Variants in UNC45A observed in about 807,000 individuals in gnomAD.
UNC45A encodes the protein unc-45 myosin chaperone A.
In UNC45A, 78 loss-of-function variants were observed where a neutral mutation model predicts 103.2. That is an observed-to-expected ratio of 0.76 (90% CI 0.63 to 0.91). The LOEUF is 0.91. Ranked by LOEUF, UNC45A falls within the 40% of genes least tolerant of loss-of-function variation. The pLI is 0.00. For synonymous variants in UNC45A, 495 were observed against 504.6 expected, an observed-to-expected ratio of 0.98 and a Z score of 0.25; for missense variants, 1,193 against 1,224.8, an observed-to-expected ratio of 0.97 and a Z score of 0.39.
chr15:90,950,172 C>G lies in UNC45A; in HGVS notation c.2092C>G (p.Leu698Val), dbSNP rs773080072. ...GGGRALIPLA[L>V]EGTDVGQTKA... ...CCTACAGGCGCTGATCCCGCTGGCC[C>G]TGGAAGGCACGGACGTGGGGCAGAC... is the stretch of plus-strand genomic sequence containing the variant. The change falls in exon 16 of 20, where the codon CTG (leucine) becomes GTG (valine). Residue 698 changes from leucine to valine, a missense_variant. By Grantham distance (32) the Leu-to-Val change is conservative. Coordinates refer to ENST00000418476, the MANE Select transcript of UNC45A (RefSeq NM_018671.5). 4 of 1,551,630 alleles carry G rather than the reference C, an allele frequency of 2.6e-6. No individual in the cohort carries two copies. In the South Asian group the frequency reaches 3.6e-5, roughly 14 times the overall value.
At chr15:90,945,737 A>G (rs1319190924) in intron 9 of UNC45A, among the ~76,000 whole-genome samples, 1 of 151,238 alleles carries the variant, frequency 6.6e-6, no homozygotes, top group African/African-American at 2.4e-5. Context: ...GGTTCAAGCA[A>G]TTCTCCTGCC....
rs72630486 is a variant in UNC45A at position 90,940,290 on chromosome 15, G to A, written c.520-16G>A. 97,696 of 1,607,776 alleles carry A rather than the reference G, an allele frequency of 0.061. 12,420 individuals carry two copies. Among genetic ancestry groups the A allele is most frequent in the East Asian group, 0.4 (18,031 of 44,756 alleles). ...GTGTGCAGTGTCAACATTATAATGT[G>A]CTTCCTTTGACGCAGGCTTCTCAGA... On this transcript the variant is annotated splice_polypyrimidine_tract_variant and intron_variant, in intron 5 of 19. Coordinates refer to ENST00000418476, the MANE Select transcript of UNC45A (RefSeq NM_018671.5).
intron 9 of UNC45A, 134 bp from the exon 10 acceptor site, chr15:90,946,480 A>G: frequency 1.0e-6 from 1 of 1,002,680 alleles, no homozygotes; most frequent in African/African-American, 1.6e-5. Flanking sequence ...GAAACGTCCT[A>G]GTCCTCCCAT....
At position 90,953,449 on chromosome 15, in the gene UNC45A, T is replaced by G; in HGVS notation, c.2578-10T>G. On this transcript the variant is annotated splice_polypyrimidine_tract_variant and intron_variant, in intron 19 of 19. Coordinates refer to ENST00000418476, the MANE Select transcript of UNC45A (RefSeq NM_018671.5). Reference sequence around the variant, plus strand: ...GCCCAGGGGTCATATCTACCCTGTTTTTCTCACAGACCACACACTGGCTGG... The same window carrying G: ...GCCCAGGGGTCATATCTACCCTGTTGTTCTCACAGACCACACACTGGCTGG... 3 of 1,613,004 alleles carry G rather than the reference T, an allele frequency of 1.9e-6. No individual in the cohort carries two copies. Among genetic ancestry groups the G allele is most frequent in the Non-Finnish European group, 2.5e-6 (3 of 1,179,902 alleles).
At chr15:90,941,784 C>T (rs568792970) in intron 6 of UNC45A, among the ~76,000 whole-genome samples, 1 of 151,960 alleles carries the variant, frequency 6.6e-6, no homozygotes, top group East Asian at 1.9e-4. Context: ...ACGGTGAAAC[C>T]CCGTCTCTAC....
rs777246796 is a variant in UNC45A, at chr15:90,947,908, G to C, written c.1595+18G>C. 1.2e-6 allele frequency: 2 copies of C among 1,609,228 alleles called. No homozygotes were observed. Among genetic ancestry groups the C allele is most frequent in the African/African-American group, 2.7e-5 (2 of 74,850 alleles). Reference sequence around the variant, plus strand: ...TGTCGAAAGTGAGTCATCTGGCCTTGCTGTGGTTCCCCACCTGTGGGGTAG... The same window carrying C: ...TGTCGAAAGTGAGTCATCTGGCCTTCCTGTGGTTCCCCACCTGTGGGGTAG... On this transcript the variant is annotated intron_variant, in intron 11 of 19. Transcript: ENST00000418476.
rs576346120 is a variant in UNC45A at position 90,941,891 on chromosome 15, G to T, written c.688-546G>T. Among the ~76,000 whole-genome samples, 9 of 151,744 alleles carry T rather than the reference G, an allele frequency of 5.9e-5. No individual in the cohort carries two copies. The East Asian group carries it at 1.7e-3, about 29-fold the overall frequency. On this transcript the variant is annotated intron_variant, in intron 6 of 19. Transcript: ENST00000418476. ...GGGAAATGGCGTGAACCTGGGAGGT[G>T]GAGCTTGCAGTGAGCCCAGATCGCG...
chr15:90,943,986 G>GTTTTTTTTTTTTTT (rs953436599), intron 8 of UNC45A, among the ~76,000 whole-genome samples: 6 of 78,320 alleles, frequency 7.7e-5, no homozygotes, highest in East Asian at 4.3e-4. Flanking sequence ...ATTGTGCCCT[G>GTTTTTTTTTTTTTT]TTTTTTTTTT....
At chr15:90,931,512 G>A (rs9806656), upstream of UNC45A, 37 of 1,614,050 alleles carry the variant, frequency 2.3e-5, no homozygotes, top group East Asian at 4.5e-5. Context: ...CTGATGGAAT[G>A]AGCTGTCCTG....
At chr15:90,934,909 G>T (rs942856212), upstream of UNC45A, 3 of 438,142 alleles carry the variant, frequency 6.8e-6, no homozygotes, top group Non-Finnish European at 1.2e-5. Flanking sequence ...GAGCGCGGTC[G>T]GGGCCGGGAT....
Position 90,953,909 on chromosome 15 carries a change from T to G in UNC45A, c.*193T>G. The G allele has an allele frequency of 1.3e-6, 1 of 762,352 alleles. No homozygotes were observed. The highest frequency in any genetic ancestry group is 2.7e-5 in the East Asian group (1 of 36,698). 47.2% of individuals were successfully genotyped at this position (762,352 alleles called of 1,614,324 possible). On this transcript the variant is annotated 3_prime_UTR_variant, in exon 20 of 20. Transcript: ENST00000418476. ...TCACACAGCCCTGCTTGGCCAGCAC[T>G]GCCTGCAGCCTCACTCAGAGGGGCC...
At chr15:90,945,723 C>T (rs1401994814) in intron 9 of UNC45A, among the ~76,000 whole-genome samples, 1 of 151,150 alleles carries the variant, frequency 6.6e-6, no homozygotes, top group East Asian at 2.0e-4. Context: ...CCTCCACCCT[C>T]CCAGGTTCAA....
Position 90,935,986 on chromosome 15 carries a change from G to T in UNC45A, c.250+4G>T, listed in dbSNP as rs1397372794. On this transcript the variant is annotated splice_donor_region_variant and intron_variant, in intron 3 of 19. Transcript: ENST00000418476. ...GCAGAAACAGAGGCATCCAAAGGTA[G>T]GGGAATGGTGGGCCCTGGTGTGGAG... 6.2e-7 allele frequency: 1 copy of T among 1,614,054 alleles called. No individual in the cohort carries two copies.
chr15:90,941,280 G>A (rs1280926367), intron 6 of UNC45A, among the ~76,000 whole-genome samples: 2 of 152,124 alleles, frequency 1.3e-5, no homozygotes, highest in East Asian at 3.9e-4. Context: ...GATGGTGGTG[G>A]CCCAGCATGG....
upstream of UNC45A, chr15:90,932,354 C>G (rs1349919863): frequency 2.5e-5 from 23 of 927,322 alleles, no homozygotes. Flanking sequence ...CAATGAGGTG[C>G]ACGCCCCCCA....
rs555543944 is a variant in UNC45A at position 90,937,043 on chromosome 15, T to C, written c.426+583T>C. Among the ~76,000 whole-genome samples the C allele has an allele frequency of 2.6e-5, 4 of 152,282 alleles. No individual in the cohort carries two copies. The East Asian group carries it at 5.8e-4, about 22-fold the overall frequency. On this transcript the variant is annotated intron_variant, in intron 4 of 19. Coordinates refer to ENST00000418476, the MANE Select transcript of UNC45A (RefSeq NM_018671.5). ...GAAATGGGAAGCTCTGGGACACTTG[T>C]TGAATGAACAAAGCAAAATAGGCAG...
At position 90,935,719 on chromosome 15, in the gene UNC45A, GCGCT is replaced by G. The variant is rs772726675; in HGVS notation, c.213+16_213+19del. On this transcript the variant is annotated intron_variant, in intron 2 of 19. Transcript: ENST00000418476. ...CACCTCAAGCTGGTGAGGGAGCCTG[GCGCT>G]CTTCCCCTCGCCCGCCCGGGCCCCG... 6.5e-7 allele frequency: 1 copy of G among 1,546,270 alleles called. No individual in the cohort carries two copies. Among genetic ancestry groups the G allele is most frequent in the Non-Finnish European group, 8.7e-7 (1 of 1,148,344 alleles).
intron 3 of UNC45A, 145 bp from the exon 4 acceptor site, chr15:90,936,140 C>A: frequency 4.7e-6 from 7 of 1,501,702 alleles, no homozygotes; most frequent in South Asian, 1.4e-5. Flanking sequence ...TCTGCAGCTA[C>A]CCTCACCTTT....
intron 8 of UNC45A, among the ~76,000 whole-genome samples, chr15:90,943,426 C>CAAAAA (rs71154147): frequency 1.3e-4 from 10 of 74,464 alleles, no homozygotes; most frequent in African/African-American, 2.9e-4. Flanking sequence ...GAGACTGTCT[C>CAAAAA]AAAAAAAAAA....
Sources: gnomAD v4.1 joint callset for allele counts (sites outside exome capture counted in the v4.1 genomes callset) on GRCh38, gnomAD v4.1.1 for gene constraint, MANE v1.5 for transcripts, NCBI Gene and HGNC (gene_info 2026-07-23, HGNC 2026-07-21) for gene names.